The following MECOM variants were observed in gnomAD, a reference collection of about 807,000 sequenced individuals.
MECOM encodes histone-lysine N-methyltransferase MECOM.
A neutral mutation model predicts 116.3 loss-of-function variants in MECOM; 13 were observed. That is an observed-to-expected ratio of 0.11 (90% CI 0.07 to 0.18). The LOEUF is 0.18. MECOM is among the 10% of genes least tolerant of loss of function. The pLI is 1.00. For synonymous variants in MECOM, 528 were observed against 535.2 expected, an observed-to-expected ratio of 0.99 and a Z score of 0.19; for missense variants, 1,299 against 1,509.0, an observed-to-expected ratio of 0.86 and a Z score of 2.31.
chr3:169,111,725 C>T (rs1329006413), intron 9 of MECOM, among the ~76,000 whole-genome samples: 2 of 151,894 alleles, frequency 1.3e-5, no homozygotes, highest in Non-Finnish European at 2.9e-5. Flanking sequence ...ATCCAACTAA[C>T]CCAGAAGATT....
intron 1 of MECOM, among the ~76,000 whole-genome samples, chr3:169,423,318 A>G (rs10513666): frequency 0.044 from 6,751 of 152,044 alleles, 460 homozygotes; most frequent in Admixed American, 0.19. Context: ...ACTTTGCATA[A>G]GCCAATTAAC....
chr3:169,383,427 C>G (rs967026567), intron 1 of MECOM, among the ~76,000 whole-genome samples: 1 of 152,144 alleles, frequency 6.6e-6, no homozygotes, highest in Non-Finnish European at 1.5e-5. Flanking sequence ...TGAATACCAT[C>G]TCTCCCTTAA....
chr3:169,230,682 C>T (rs957486723), intron 2 of MECOM, among the ~76,000 whole-genome samples: 5 of 152,142 alleles, frequency 3.3e-5, no homozygotes, highest in African/African-American at 1.2e-4. Context: ...AAGATTTCTG[C>T]TGAAGAGCAG....
intron 1 of MECOM, among the ~76,000 whole-genome samples, chr3:169,617,339 A>G (rs1368940783): frequency 3.3e-5 from 5 of 152,254 alleles, no homozygotes; most frequent in Non-Finnish European, 7.3e-5. Context: ...ACCCAGAAGG[A>G]GTCTTGACCT....
chr3:169,561,470 G>A (rs1203540348), intron 1 of MECOM, among the ~76,000 whole-genome samples: 1 of 152,052 alleles, frequency 6.6e-6, no homozygotes, highest in Non-Finnish European at 1.5e-5. Flanking sequence ...TGTTGATAAG[G>A]GAAAGAAGAT....
chr3:169,573,929 T>C (rs773629474), intron 1 of MECOM, among the ~76,000 whole-genome samples: 52 of 152,366 alleles, frequency 3.4e-4, no homozygotes, highest in South Asian at 1.2e-3. Context: ...TTTTTGACTT[T>C]CATGATGTGC....
intron 2 of MECOM, among the ~76,000 whole-genome samples, chr3:169,308,240 CA>C (rs1231057446): frequency 6.6e-6 from 1 of 152,124 alleles, no homozygotes; most frequent in East Asian, 1.9e-4. Context: ...GCTGGTACAC[CA>C]AGTTACTTAG....
chr3:169,256,922 T>C (rs902954386), intron 2 of MECOM, among the ~76,000 whole-genome samples: 2 of 152,150 alleles, frequency 1.3e-5, no homozygotes, highest in African/African-American at 4.8e-5. Context: ...GAGGGCAAGA[T>C]GCTGATTCTT....
At chr3:169,133,835 T>C in intron 3 of MECOM, 1 of 986,704 alleles carries the variant, frequency 1.0e-6, no homozygotes. Context: ...AGTTAAATAC[T>C]TATAAGTACA....
chr3:169,246,516 G>A (rs988251057), intron 2 of MECOM, among the ~76,000 whole-genome samples: 1 of 149,666 alleles, frequency 6.7e-6, no homozygotes, highest in Non-Finnish European at 1.5e-5. Context: ...AACTGAAACA[G>A]TACACATACA....
chr3:169,533,762 T>C (rs1758973700), intron 1 of MECOM, among the ~76,000 whole-genome samples: 1 of 152,046 alleles, frequency 6.6e-6, no homozygotes, highest in Non-Finnish European at 1.5e-5. Flanking sequence ...GGTGGTCACC[T>C]CCCTTTCCAA....
chr3:169,335,266 A>G (rs1723418398), intron 2 of MECOM, among the ~76,000 whole-genome samples: 1 of 152,174 alleles, frequency 6.6e-6, no homozygotes, highest in Non-Finnish European at 1.5e-5. Flanking sequence ...TGCACTAGTA[A>G]GAAGTTTGGA....
chr3:169,507,650 C>CTGTTTTTT (rs1755405842), intron 1 of MECOM, among the ~76,000 whole-genome samples: 2 of 57,150 alleles, frequency 3.5e-5, no homozygotes, highest in Non-Finnish European at 6.2e-5. Context: ...TCCCCACTTG[C>CTGTTTTTT]TTTTTTTTTT....
intron 2 of MECOM, among the ~76,000 whole-genome samples, chr3:169,232,894 T>C (rs1411811950): frequency 2.0e-5 from 3 of 152,100 alleles, no homozygotes; most frequent in African/African-American, 7.2e-5. Flanking sequence ...AGCCTTTTCA[T>C]GTATATTTAC....
intron 2 of MECOM, among the ~76,000 whole-genome samples, chr3:169,272,312 T>C (rs1577542758): frequency 3.3e-5 from 5 of 151,682 alleles, no homozygotes; most frequent in South Asian, 4.2e-4. Flanking sequence ...AACATGGGAG[T>C]TGGGGAGAGA....
chr3:169,640,267 A>G (rs1773301166), intron 1 of MECOM, among the ~76,000 whole-genome samples: 1 of 152,252 alleles, frequency 6.6e-6, no homozygotes. Flanking sequence ...AAGAATAATC[A>G]GGCCCAACCT....
At chr3:169,273,293 CAGAGAT>C (rs1759174111) in intron 2 of MECOM, among the ~76,000 whole-genome samples, 2 of 152,124 alleles carry the variant, frequency 1.3e-5, no homozygotes, top group Non-Finnish European at 2.9e-5. Context: ...CTCAAAATCA[CAGAGAT>C]AGATTAAAAA....
intron 1 of MECOM, among the ~76,000 whole-genome samples, chr3:169,595,061 T>A (rs1385595218): frequency 6.6e-6 from 1 of 152,118 alleles, no homozygotes; most frequent in Non-Finnish European, 1.5e-5. Flanking sequence ...AATGGTGAAT[T>A]TTCTTTATTT....
Position 169,593,269 on chromosome 3 carries a change from A to C in MECOM, c.37+70067T>G, listed in dbSNP as rs113202472. On this transcript the variant is annotated intron_variant, in intron 1 of 16. Transcript: ENST00000651503. ...GCCTCATCCTGCATGCTGTCTGTAGATGGGAAAAATCAAACTCAGGGAAAT... is the reference window on the plus strand; with the variant it reads ...GCCTCATCCTGCATGCTGTCTGTAGCTGGGAAAAATCAAACTCAGGGAAAT... Among the ~76,000 whole-genome samples the C allele has an allele frequency of 7.4e-3, 1,125 of 152,322 alleles. 6 individuals carry two copies. The highest frequency in any genetic ancestry group is 0.051 in the Middle Eastern group (15 of 294).
Sources: allele counts gnomAD v4.1 joint callset (sites outside exome capture counted in the v4.1 genomes callset), GRCh38; gene constraint gnomAD v4.1.1; transcripts MANE v1.5; gene names NCBI Gene and HGNC (gene_info 2026-07-23, HGNC 2026-07-21).